CFAP47: variants seen among roughly 807,000 people sequenced by gnomAD.
CFAP47 encodes cilia- and flagella-associated protein 47.
In CFAP47, 29 loss-of-function variants were observed where a neutral mutation model predicts 148.1. That is an observed-to-expected ratio of 0.20 (90% confidence interval 0.15 to 0.27). The LOEUF is 0.27. Among genes scored for constraint, CFAP47 ranks in the 10% least tolerant of loss-of-function variants. The pLI, the probability that CFAP47 is intolerant of heterozygous loss-of-function variation, is 1.00. For synonymous variants in CFAP47, 664 were observed against 577.3 expected, an observed-to-expected ratio of 1.15 and a Z score of -2.15; for missense variants, 1,872 against 1,697.5, an observed-to-expected ratio of 1.10 and a Z score of -1.81.
intron 42 of CFAP47, 149 bp downstream of exon 42, chrX:36,190,345 A>G: frequency 7.0e-6 from 2 of 284,240 alleles, no homozygotes; most frequent in Non-Finnish European, 1.2e-5. Context: ...ATCCTCAAGA[A>G]TATCCACAGT....
chrX:35,952,463 A>C (rs1027692309), intron 6 of CFAP47, among the ~76,000 whole-genome samples: 4 of 112,338 alleles, frequency 3.6e-5, no homozygotes, highest in African/African-American at 1.3e-4. Flanking sequence ...TACATTTTTC[A>C]TAATTCCATG....
rs181791966 is a variant in CFAP47 at position 36,249,061 on chromosome X, G to A, written c.7333-2272G>A. On this transcript the variant is annotated intron_variant, in intron 48 of 63. Coordinates refer to ENST00000378653, the MANE Select transcript of CFAP47 (RefSeq NM_001304548.2). ...AGTGCTTAAAGGGAAATTTGTAGAT[G>A]TGCATACCTGTAGTAAAAAAAGAAG... is the stretch of plus-strand genomic sequence containing the variant. 1.1e-4 allele frequency among the ~76,000 whole-genome samples: 12 copies of A among 109,029 alleles called. No homozygotes were observed. In the East Asian group the frequency reaches 3.5e-3, roughly 32 times the overall value. The allele number at this position is 109,029 out of a possible 115,157, so 94.7% of individuals were successfully genotyped here. A position where few individuals can be genotyped will look rare whatever the true frequency, so the allele number is the denominator to read the frequency against.
At chrX:35,932,416 C>G (rs572242958) in intron 2 of CFAP47, among the ~76,000 whole-genome samples, 1 of 105,935 alleles carries the variant, frequency 9.4e-6, no homozygotes, top group Non-Finnish European at 1.9e-5. Flanking sequence ...CCCGCCACCA[C>G]GCACTTTTAA....
rs180785329 is a variant in CFAP47, at chrX:36,349,505, C to T, written c.8604-533C>T. Among the ~76,000 whole-genome samples, 43 of 111,485 alleles carry T rather than the reference C, an allele frequency of 3.9e-4. No individual in the cohort carries two copies. The East Asian group carries it at 1.0e-2, about 26-fold the overall frequency. On this transcript the variant is annotated intron_variant, in intron 58 of 63. Coordinates refer to ENST00000378653, the MANE Select transcript of CFAP47 (RefSeq NM_001304548.2). ...CTTGAACTCCTGACCTCAAGTGATC[C>T]GCCTGCCTCAGCCTTCCAAAGTGCT...
intron 55 of CFAP47, among the ~76,000 whole-genome samples, chrX:36,309,633 T>G (rs1941377605): frequency 9.0e-6 from 1 of 111,321 alleles, no homozygotes; most frequent in Non-Finnish European, 1.9e-5. Flanking sequence ...TCCAGTACTC[T>G]ATGCGACTTG....
chrX:36,104,730 A>G, intron 33 of CFAP47, 39 bp downstream of exon 33: 1 of 495,823 alleles, frequency 2.0e-6, no homozygotes, highest in Non-Finnish European at 3.3e-6. Flanking sequence ...ATTATTGCAA[A>G]TTGTAGTGTG....
chrX:35,959,386 G>A (rs1936289657), intron 8 of CFAP47, among the ~76,000 whole-genome samples: 1 of 111,696 alleles, frequency 9.0e-6, no homozygotes, highest in Non-Finnish European at 1.9e-5. Flanking sequence ...TTTTGACTAA[G>A]TTCAATTTAT....
At chrX:36,284,388 C>T (rs961857567) in intron 50 of CFAP47, among the ~76,000 whole-genome samples, 4 of 111,307 alleles carry the variant, frequency 3.6e-5, no homozygotes, top group African/African-American at 6.5e-5. Context: ...TAGCTGTTTA[C>T]GTTAAATATC....
chrX:36,207,084 C>A (rs1019571836), intron 45 of CFAP47, among the ~76,000 whole-genome samples: 3 of 111,441 alleles, frequency 2.7e-5, no homozygotes, highest in Non-Finnish European at 5.7e-5. Context: ...AAAAGGCATG[C>A]CCTAAACTCT....
chrX:36,174,448 C>G (rs1178900176), intron 39 of CFAP47, among the ~76,000 whole-genome samples: 90 of 110,188 alleles, frequency 8.2e-4, no homozygotes, highest in African/African-American at 2.9e-3. Context: ...CCGGTTGTTC[C>G]TTTCCATGTT....
At chrX:36,055,544 A>T (rs1270004567) in intron 26 of CFAP47, among the ~76,000 whole-genome samples, 1 of 111,974 alleles carries the variant, frequency 8.9e-6, no homozygotes, top group African/African-American at 3.2e-5. Flanking sequence ...GTGTATATGT[A>T]CCACATTTTC....
rs146485238 is a variant in CFAP47 at position 36,021,096 on chromosome X, C to T, written c.3556+6184C>T. On this transcript the variant is annotated intron_variant, in intron 22 of 63. Coordinates refer to ENST00000378653, the MANE Select transcript of CFAP47 (RefSeq NM_001304548.2). Reference sequence around the variant, plus strand: ...TTTGCATGAAAAACAAATAAAAAAGCAAAAAGAAAACTAATGAAAACTTTA... The same window carrying T: ...TTTGCATGAAAAACAAATAAAAAAGTAAAAAGAAAACTAATGAAAACTTTA... Among the ~76,000 whole-genome samples the T allele has an allele frequency of 4.8e-4, 53 of 110,980 alleles. No homozygotes were observed. In the East Asian group the frequency reaches 0.015, roughly 32 times the overall value.
intron 22 of CFAP47, among the ~76,000 whole-genome samples, chrX:36,026,127 A>G (rs4381110): frequency 0.15 from 16,266 of 111,182 alleles, 1,192 homozygotes; most frequent in East Asian, 0.3. Flanking sequence ...CTTGTATTAT[A>G]TAACTTAACC....
In CFAP47 at chrX:36,353,630, G is replaced by A; in HGVS notation, c.8800G>A (p.Val2934Ile). Reference protein sequence around the residue: ...GFSLTPDLTEVLVIPKRNSHN... With the variant: ...GFSLTPDLTEILVIPKRNSHN... ...TAGTCTTACTCCAGATCTGACAGAA[G>A]TTTTAGTGATTCCAAAAAGAAATTC... is the stretch of plus-strand genomic sequence containing the variant. Residue 2934 changes from valine (V) to isoleucine (I), a missense_variant, in exon 60 of 64, where the codon GTT (valine) becomes ATT (isoleucine). By Grantham distance (29) the Val-to-Ile change is conservative. Transcript: ENST00000378653. The A allele has an allele frequency of 8.6e-7, 1 of 1,162,360 alleles. No individual in the cohort carries two copies. Among genetic ancestry groups the A allele is most frequent in the Non-Finnish European group, 1.2e-6 (1 of 868,862 alleles).
Position 36,071,950 on chromosome X carries a change from G to A in CFAP47, c.4444G>A (p.Ala1482Thr). The A allele has an allele frequency of 8.3e-7, 1 of 1,203,654 alleles. No homozygotes were observed. The highest frequency in any genetic ancestry group is 1.1e-6 in the Non-Finnish European group (1 of 891,889). Reference sequence around the variant, plus strand: ...TAGCAAATTCAATGATGCTGAACCTGCAAAGGGAAACTTATTTATTGGTAT... The same window carrying A: ...TAGCAAATTCAATGATGCTGAACCTACAAAGGGAAACTTATTTATTGGTAT... Reference protein sequence around the residue: ...TTSKFNDAEPAKGNLFIGVEV... With the variant: ...TTSKFNDAEPTKGNLFIGVEV... The change falls in exon 28 of 64, where the codon GCA becomes ACA. Residue 1482 changes from alanine to threonine, a missense_variant. Physicochemically the swap from Ala to Thr is moderately conservative, Grantham distance 58. Transcript: ENST00000378653.
At chrX:36,120,437 G>GT (rs1204800050) in intron 33 of CFAP47, among the ~76,000 whole-genome samples, 2 of 111,105 alleles carry the variant, frequency 1.8e-5, no homozygotes, top group Non-Finnish European at 3.8e-5. Flanking sequence ...TGCTTTTCTA[G>GT]TTTTTTAGTA....
chrX:36,038,964 T>A lies in CFAP47; in HGVS notation c.3812-20T>A, dbSNP rs1937369426. The A allele has an allele frequency of 1.2e-5, 10 of 852,559 alleles. No individual in the cohort carries two copies. Among genetic ancestry groups the A allele is most frequent in the Non-Finnish European group, 1.6e-5 (10 of 642,271 alleles). 70.3% of individuals were successfully genotyped at this position (852,559 alleles called of 1,213,427 possible). A position where few individuals can be genotyped will look rare whatever the true frequency, so the allele number is the denominator to read the frequency against. On this transcript the variant is annotated intron_variant, in intron 24 of 63. Transcript: ENST00000378653. ...TGTTTTAACTAATTTAAAATACCCT[T>A]AAAATTTGTTTTTCATTAGATCGTC...
At chrX:36,173,941 C>T (rs775826065) in intron 39 of CFAP47, among the ~76,000 whole-genome samples, 2 of 111,189 alleles carry the variant, frequency 1.8e-5, no homozygotes, top group South Asian at 7.8e-4. Context: ...GTCTAATTCT[C>T]TTTGTAGGTC....
At chrX:35,976,292 A>G (rs1195353789) in intron 15 of CFAP47, among the ~76,000 whole-genome samples, 1 of 111,139 alleles carries the variant, frequency 9.0e-6, no homozygotes, top group Non-Finnish European at 1.9e-5. Context: ...CTTGAGTCCA[A>G]AGGCATTCTG....
Sources: allele counts gnomAD v4.1 joint callset (sites outside exome capture counted in the v4.1 genomes callset), GRCh38; gene constraint gnomAD v4.1.1; transcripts MANE v1.5; gene names NCBI Gene and HGNC (gene_info 2026-07-23, HGNC 2026-07-21).